CEP128: variants seen among roughly 807,000 people sequenced by gnomAD.
The protein encoded by CEP128 is centrosomal protein 128, also known as centrosomal protein 128kDa.
CEP128 carries 132 observed loss-of-function variants against 156.7 expected under a neutral mutation model. The observed-to-expected ratio is 0.84, with a 90% CI of 0.73 to 0.97. The LOEUF (loss-of-function observed/expected upper bound fraction) is 0.97. Among genes scored for constraint, CEP128 ranks in the 50% least tolerant of loss-of-function variants. CEP128 has a pLI of 0.00. For synonymous variants in CEP128, 469 were observed against 448.9 expected, an observed-to-expected ratio of 1.04 and a Z score of -0.57; for missense variants, 1,252 against 1,281.9, an observed-to-expected ratio of 0.98 and a Z score of 0.36.
intron 19 of CEP128, among the ~76,000 whole-genome samples, chr14:80,729,972 T>C (rs938182543): frequency 6.6e-5 from 10 of 152,134 alleles, no homozygotes; most frequent in African/African-American, 2.2e-4. Flanking sequence ...GACAGAAATA[T>C]TAACGAGTAC....
chr14:80,737,024 G>A (rs1261933402), intron 19 of CEP128, among the ~76,000 whole-genome samples: 1 of 152,126 alleles, frequency 6.6e-6, no homozygotes, highest in African/African-American at 2.4e-5. Flanking sequence ...AAGAAACTAA[G>A]AATAAAACAT....
At chr14:80,519,387 C>G (rs552465344) in intron 23 of CEP128, among the ~76,000 whole-genome samples, 1 of 152,334 alleles carries the variant, frequency 6.6e-6, no homozygotes, top group East Asian at 1.9e-4. Flanking sequence ...ATTTTTCTCT[C>G]TGGAATATTA....
rs1293947772 is a variant in CEP128, at chr14:80,504,784, G to A, written c.3181+128C>T. The A allele has an allele frequency of 6.8e-5, 25 of 365,754 alleles. 1 individual carries two copies. In the South Asian group the frequency reaches 1.1e-3, roughly 16 times the overall value. 22.7% of individuals were successfully genotyped at this position (365,754 alleles called of 1,614,324 possible). On this transcript the variant is annotated intron_variant, in intron 24 of 24. Transcript: ENST00000555265. ...TTATGAATATCCTTGAACATTTTTT[G>A]TATGATTCATGAGGATTTTCTCAGA...
intron 19 of CEP128, among the ~76,000 whole-genome samples, chr14:80,718,094 T>C (rs992175184): frequency 2.0e-5 from 3 of 152,216 alleles, no homozygotes; most frequent in Admixed American, 2.0e-4. Flanking sequence ...AGGCTGGTGA[T>C]CCTCATTTTC....
intron 13 of CEP128, among the ~76,000 whole-genome samples, chr14:80,810,320 C>A (rs1884440282): frequency 9.2e-5 from 3 of 32,514 alleles, no homozygotes; most frequent in African/African-American, 9.2e-5. Flanking sequence ...AAGACTCCAT[C>A]TCCAAAAAAA....
chr14:80,639,601 C>T (rs1739839170), intron 19 of CEP128, among the ~76,000 whole-genome samples: 1 of 152,064 alleles, frequency 6.6e-6, no homozygotes, highest in Non-Finnish European at 1.5e-5. Flanking sequence ...GTGGACCACC[C>T]AAATCCTGTT....
chr14:80,957,993 G>A (rs763716442), intron 2 of CEP128: 3 of 152,176 alleles, frequency 2.0e-5, no homozygotes, highest in Non-Finnish European at 2.9e-5. Context: ...AGATCGAAAA[G>A]AGAAACCTGA....
intron 19 of CEP128, among the ~76,000 whole-genome samples, chr14:80,598,733 T>TA (rs1892449104): frequency 1.3e-5 from 2 of 152,202 alleles, no homozygotes; most frequent in African/African-American, 2.4e-5. Flanking sequence ...ATTATGGAGT[T>TA]AGAGTATCAA....
chr14:80,926,610 C>T (rs1465011789), intron 2 of CEP128, among the ~76,000 whole-genome samples: 1 of 152,150 alleles, frequency 6.6e-6, no homozygotes, highest in Non-Finnish European at 1.5e-5. Flanking sequence ...TTTGCATGCT[C>T]CATGGCCCCA....
chr14:80,692,946 T>A (rs2139317345), intron 19 of CEP128, among the ~76,000 whole-genome samples: 1 of 152,312 alleles, frequency 6.6e-6, no homozygotes, highest in Non-Finnish European at 1.5e-5. Context: ...CTTCTCATAC[T>A]TTAATGTGCA....
At chr14:80,769,560 T>C (rs1173234419) in intron 16 of CEP128, among the ~76,000 whole-genome samples, 1 of 152,176 alleles carries the variant, frequency 6.6e-6, no homozygotes, top group African/African-American at 2.4e-5. Flanking sequence ...TCCAGCTTCA[T>C]CCATGTCCCT....
intron 21 of CEP128, among the ~76,000 whole-genome samples, chr14:80,553,541 T>TTTCA (rs1219147714): frequency 6.6e-6 from 1 of 152,200 alleles, no homozygotes; most frequent in African/African-American, 2.4e-5. Flanking sequence ...ACCATTTTAA[T>TTTCA]TTCCATAGCT....
chr14:80,496,171 A>G (rs1022399971), downstream of CEP128, among the ~76,000 whole-genome samples: 4 of 152,170 alleles, frequency 2.6e-5, no homozygotes, highest in Non-Finnish European at 5.9e-5. Flanking sequence ...CTGTTTTTGT[A>G]TCTCATTTTT....
At chr14:80,872,326 CAAT>C (rs1888069823) in intron 8 of CEP128, among the ~76,000 whole-genome samples, 1 of 152,104 alleles carries the variant, frequency 6.6e-6, no homozygotes, top group South Asian at 2.1e-4. Context: ...ATACTATAAA[CAAT>C]AACTCTTCCC....
chr14:80,864,219 T>C (rs1434494047), intron 8 of CEP128, among the ~76,000 whole-genome samples: 1 of 152,222 alleles, frequency 6.6e-6, no homozygotes, highest in Non-Finnish European at 1.5e-5. Flanking sequence ...GACTATGTTA[T>C]TGTCAAGGCT....
At chr14:80,727,715 A>G (rs1478006239) in intron 19 of CEP128, among the ~76,000 whole-genome samples, 2 of 152,242 alleles carry the variant, frequency 1.3e-5, no homozygotes, top group Non-Finnish European at 2.9e-5. Flanking sequence ...AAAGGACATG[A>G]ACAGATACTT....
chr14:80,844,480 T>G (rs777484225), intron 9 of CEP128, among the ~76,000 whole-genome samples: 19 of 152,108 alleles, frequency 1.2e-4, no homozygotes, highest in Non-Finnish European at 1.8e-4. Context: ...GATATCAAAG[T>G]AAGGGAGAAA....
chr14:80,639,037 A>T (rs1894305287), intron 19 of CEP128, among the ~76,000 whole-genome samples: 1 of 152,222 alleles, frequency 6.6e-6, no homozygotes, highest in Admixed American at 6.5e-5. Context: ...ATTATGTTTC[A>T]GACATACATT....
At chr14:80,673,574 A>T (rs1351759571) in intron 19 of CEP128, among the ~76,000 whole-genome samples, 6 of 121,310 alleles carry the variant, frequency 4.9e-5, no homozygotes, top group Non-Finnish European at 9.8e-5. Flanking sequence ...TGAACCCGGG[A>T]GGCGGAGCTT....
Sources: allele counts gnomAD v4.1 joint callset (sites outside exome capture counted in the v4.1 genomes callset), GRCh38; gene constraint gnomAD v4.1.1; transcripts MANE v1.5; gene names NCBI Gene and HGNC (gene_info 2026-07-23, HGNC 2026-07-21).